Variants in SUMF1 observed in about 807,000 individuals in gnomAD.
SUMF1 encodes the protein formylglycine-generating enzyme.
SUMF1 carries 48 observed loss-of-function variants against 47.6 expected under a neutral mutation model. That is an observed-to-expected ratio of 1.01 (90% confidence interval 0.80 to 1.28). The LOEUF (loss-of-function observed/expected upper bound fraction) is 1.28. Ranked by LOEUF, SUMF1 falls within the 50% of genes most tolerant of loss-of-function variation. SUMF1 has a pLI of 0.00. For missense variants in SUMF1, 571 were observed against 485.4 expected (o/e 1.18, Z -1.66); for synonymous variants, 230 against 192.1 (o/e 1.20, Z -1.63).
intron 9 of SUMF1, among the ~76,000 whole-genome samples, chr3:4,047,247 T>C (rs1303991028): frequency 1.3e-5 from 2 of 152,162 alleles, no homozygotes; most frequent in African/African-American, 4.8e-5. Context: ...TTTGGAATTA[T>C]TTGTTTTCTT....
intron 9 of SUMF1, among the ~76,000 whole-genome samples, chr3:4,046,134 G>T (rs116045229): frequency 0.027 from 4,090 of 152,136 alleles, 184 homozygotes; most frequent in African/African-American, 0.093. Flanking sequence ...GAGAAAGGAG[G>T]GGAACCTACT....
chr3:4,225,240 C>G (rs1239534702), intron 8 of SUMF1, among the ~76,000 whole-genome samples: 1 of 152,140 alleles, frequency 6.6e-6, no homozygotes, highest in Non-Finnish European at 1.5e-5. Flanking sequence ...TGAAGGCTCA[C>G]AGTGCCTCTC....
At chr3:4,297,940 T>A (rs1021528523) in intron 8 of SUMF1, among the ~76,000 whole-genome samples, 21 of 152,298 alleles carry the variant, frequency 1.4e-4, no homozygotes, top group African/African-American at 4.6e-4. Flanking sequence ...AAAGACCACT[T>A]TTGTTAATAA....
chr3:4,211,191 TATAC>T lies in SUMF1; in HGVS notation c.1015-142450_1015-142447del, dbSNP rs1187740451. On this transcript the variant is annotated intron_variant and NMD_transcript_variant, in intron 8 of 12. Coordinates refer to the SUMF1 transcript ENST00000448413. ...ATACACACATATATATACATATACA[TATAC>T]ATACATACATATATATATATATATA... Among the ~76,000 whole-genome samples the T allele has an allele frequency of 2.6e-3, 202 of 78,824 alleles. 7 individuals are homozygous for T. The highest frequency in any genetic ancestry group is 6.3e-3 in the African/African-American group (121 of 19,168). 51.7% of individuals were successfully genotyped at this position (78,824 alleles called of 152,430 possible).
chr3:4,140,809 A>C (rs1694053439), intron 8 of SUMF1, among the ~76,000 whole-genome samples: 1 of 152,060 alleles, frequency 6.6e-6, no homozygotes, highest in African/African-American at 2.4e-5. Context: ...TAGAATAGAG[A>C]AAACTCTAGC....
intron 7 of SUMF1, among the ~76,000 whole-genome samples, chr3:4,405,557 T>C (rs948918224): frequency 7.9e-5 from 12 of 152,186 alleles, no homozygotes; most frequent in African/African-American, 2.6e-4. Flanking sequence ...CAGCTAACTT[T>C]TTGTGTTTTT....
chr3:4,237,477 G>C (rs925914785), intron 8 of SUMF1, among the ~76,000 whole-genome samples: 4 of 151,934 alleles, frequency 2.6e-5, no homozygotes, highest in African/African-American at 4.8e-5. Context: ...TAATTGGGTT[G>C]TTCATTTTCT....
intron 8 of SUMF1, among the ~76,000 whole-genome samples, chr3:4,212,171 A>T (rs1402436969): frequency 6.6e-6 from 1 of 152,150 alleles, no homozygotes; most frequent in Non-Finnish European, 1.5e-5. Flanking sequence ...GACAGCTCAT[A>T]CAGGAGAGCT....
chr3:4,069,218 G>A (rs1695455958), intron 8 of SUMF1, among the ~76,000 whole-genome samples: 1 of 146,782 alleles, frequency 6.8e-6, no homozygotes, highest in Non-Finnish European at 1.5e-5. Context: ...GCAAACAAAA[G>A]TGAGCTCTAC....
At chr3:4,442,335 A>G (rs1318889338) in intron 3 of SUMF1, among the ~76,000 whole-genome samples, 5 of 150,054 alleles carry the variant, frequency 3.3e-5, no homozygotes, top group South Asian at 4.2e-4. Context: ...GGCTCACTGC[A>G]AGCTCCGCCT....
At chr3:4,437,027 T>A (rs558494855) in intron 3 of SUMF1, among the ~76,000 whole-genome samples, 18 of 152,274 alleles carry the variant, frequency 1.2e-4, no homozygotes, top group Middle Eastern at 3.4e-3. Context: ...AAAAATGAGG[T>A]ACTTAAAGAT....
intron 9 of SUMF1, among the ~76,000 whole-genome samples, chr3:4,056,804 C>G (rs1017292008): frequency 1.4e-4 from 22 of 152,070 alleles, no homozygotes; most frequent in Non-Finnish European, 2.8e-4. Flanking sequence ...TGCAGTGGTG[C>G]AATCTCGGCT....
chr3:4,313,777 G>A, intron 8 of SUMF1: 2 of 1,613,822 alleles, frequency 1.2e-6, no homozygotes, highest in Non-Finnish European at 1.7e-6. Flanking sequence ...TCTGTTCAGT[G>A]ATAAGCAGCT....
intron 8 of SUMF1, among the ~76,000 whole-genome samples, chr3:4,237,922 C>G (rs1696445770): frequency 2.0e-5 from 3 of 152,050 alleles, no homozygotes; most frequent in South Asian, 4.2e-4. Context: ...TAATGCTATC[C>G]CTCCCCTAGC....
intron 8 of SUMF1, among the ~76,000 whole-genome samples, chr3:4,216,312 T>C (rs1253074418): frequency 1.3e-5 from 2 of 152,188 alleles, no homozygotes; most frequent in African/African-American, 4.8e-5. Flanking sequence ...ATTTAATGAA[T>C]GGTGTTGGGA....
At chr3:4,313,570 A>C in intron 8 of SUMF1, 10 of 1,614,086 alleles carry the variant, frequency 6.2e-6, no homozygotes, top group Non-Finnish European at 8.5e-6. Flanking sequence ...AGACAAAGAA[A>C]GGCTAGATCA....
At position 4,328,062 on chromosome 3, in the gene SUMF1, T is replaced by A. The variant is rs543831825; in HGVS notation, c.1014+48268A>T. Among the ~76,000 whole-genome samples the A allele has an allele frequency of 7.3e-5, 11 of 151,058 alleles. No homozygotes were observed. The East Asian group carries it at 1.8e-3, about 25-fold the overall frequency. On this transcript the variant is annotated intron_variant and NMD_transcript_variant, in intron 8 of 12. Transcript: ENST00000448413. ...GAGGCCCTCCCTGTACAAAAAAAAATTAAAAATTAGCTGGGTGTGATGGCG... is the reference window on the plus strand; with the variant it reads ...GAGGCCCTCCCTGTACAAAAAAAAAATAAAAATTAGCTGGGTGTGATGGCG...
chr3:4,384,082 T>A (rs894137441), intron 7 of SUMF1, among the ~76,000 whole-genome samples: 1 of 152,212 alleles, frequency 6.6e-6, no homozygotes, highest in African/African-American at 2.4e-5. Context: ...TACTTACCTA[T>A]TTACCATATT....
At chr3:4,060,425 C>T (rs746904907) in intron 9 of SUMF1, among the ~76,000 whole-genome samples, 5 of 152,068 alleles carry the variant, frequency 3.3e-5, no homozygotes, top group African/African-American at 7.2e-5. Context: ...CACTGTAAAA[C>T]GAGAATGATA....
Sources: gnomAD v4.1 joint callset for allele counts (sites outside exome capture counted in the v4.1 genomes callset) on GRCh38, gnomAD v4.1.1 for gene constraint, MANE v1.5 for transcripts, NCBI Gene and HGNC (gene_info 2026-07-23, HGNC 2026-07-21) for gene names.